Variants in CDH13 observed in about 807,000 individuals in gnomAD.
CDH13 encodes cadherin 13.
In CDH13, 24 loss-of-function variants were observed where a neutral mutation model predicts 63.8. That is an observed-to-expected ratio of 0.38 (90% confidence interval 0.27 to 0.53). The LOEUF is 0.53. Among genes scored for constraint, CDH13 ranks in the 20% least tolerant of loss-of-function variants. The pLI is 0.85. For missense variants in CDH13, 1,049 were observed against 903.1 expected, an observed-to-expected ratio of 1.16 and a Z score of -2.07; for synonymous variants, 503 against 355.3, an observed-to-expected ratio of 1.42 and a Z score of -4.67.
intron 5 of CDH13, among the ~76,000 whole-genome samples, chr16:83,330,827 T>G (rs1396394127): frequency 3.3e-5 from 5 of 152,204 alleles, no homozygotes; most frequent in Admixed American, 6.5e-5. Flanking sequence ...TAATTCTGAA[T>G]GAGTTTCAGA....
chr16:83,575,682 A>T (rs775381337), intron 7 of CDH13, among the ~76,000 whole-genome samples: 4 of 152,112 alleles, frequency 2.6e-5, no homozygotes, highest in African/African-American at 9.7e-5. Context: ...TAGCTCAACC[A>T]TCAGTCTCTT....
intron 6 of CDH13, among the ~76,000 whole-genome samples, chr16:83,369,195 T>G (rs554310582): frequency 1.3e-5 from 2 of 151,668 alleles, no homozygotes; most frequent in African/African-American, 4.8e-5. Context: ...ATGGTCATGA[T>G]CAAAAAATGA....
intron 2 of CDH13, among the ~76,000 whole-genome samples, chr16:82,964,944 T>A (rs1366550743): frequency 4.6e-5 from 7 of 152,208 alleles, no homozygotes; most frequent in Admixed American, 4.6e-4. Context: ...CCTTCTTGAT[T>A]ATCCTCCAAG....
chr16:83,007,824 CAA>C (rs563773010), intron 2 of CDH13, among the ~76,000 whole-genome samples: 23 of 124,996 alleles, frequency 1.8e-4, no homozygotes, highest in African/African-American at 2.6e-4. Context: ...ACGACTCTGT[CAA>C]AAAAAAAAAA....
chr16:83,124,455 A>T (rs1021807763), intron 3 of CDH13, among the ~76,000 whole-genome samples: 8 of 151,446 alleles, frequency 5.3e-5, no homozygotes, highest in Non-Finnish European at 7.4e-5. Context: ...TCTCTAGGTT[A>T]TCTGCTTAGT....
At chr16:83,794,484 C>T (rs1916475240) in intron 13 of CDH13, among the ~76,000 whole-genome samples, 1 of 152,192 alleles carries the variant, frequency 6.6e-6, no homozygotes, top group African/African-American at 2.4e-5. Context: ...GCCCAGGAGG[C>T]AGGGGTTGCA....
intron 7 of CDH13, among the ~76,000 whole-genome samples, chr16:83,570,449 T>G (rs1317116452): frequency 6.6e-6 from 1 of 152,098 alleles, no homozygotes; most frequent in Admixed American, 6.5e-5. Context: ...TGAGTTCTGA[T>G]CATGTTCCTG....
intron 8 of CDH13, among the ~76,000 whole-genome samples, chr16:83,605,307 A>G (rs1388230312): frequency 1.3e-5 from 2 of 152,190 alleles, no homozygotes; most frequent in Admixed American, 6.5e-5. Flanking sequence ...TCTTTGCCCA[A>G]TGTTTGATAA....
rs190692669 is a variant in CDH13, at chr16:83,179,576, C to T, written c.484-37769C>T. ...CTGAGGCAGGGGAATGGAGTGAACC[C>T]GGGAGGTGGAGCTTGCAGTGAGCCG... On this transcript the variant is annotated intron_variant, in intron 4 of 13. Coordinates refer to ENST00000567109, the MANE Select transcript of CDH13 (RefSeq NM_001257.5). 8.1e-3 allele frequency among the ~76,000 whole-genome samples: 1,222 copies of T among 151,260 alleles called. 6 individuals are homozygous for T. Among genetic ancestry groups the T allele is most frequent in the Non-Finnish European group, 0.012 (844 of 67,866 alleles).
intron 3 of CDH13, among the ~76,000 whole-genome samples, chr16:83,115,682 T>A (rs4073338): frequency 0.55 from 83,204 of 152,148 alleles, 23,314 homozygotes; most frequent in African/African-American, 0.6. Context: ...CCTGCCTGCC[T>A]GGAAGACGTA....
intron 6 of CDH13, among the ~76,000 whole-genome samples, chr16:83,470,132 T>C (rs2073417923): frequency 6.6e-6 from 1 of 152,208 alleles, no homozygotes; most frequent in South Asian, 2.1e-4. Flanking sequence ...CATACACCTG[T>C]GTGCACACTC....
chr16:83,536,741 G>C (rs1256143495), intron 7 of CDH13, among the ~76,000 whole-genome samples: 1 of 152,178 alleles, frequency 6.6e-6, no homozygotes, highest in African/African-American at 2.4e-5. Flanking sequence ...CTACCATATT[G>C]GTTCAAACAA....
chr16:83,294,969 G>T (rs1448072895), intron 5 of CDH13, among the ~76,000 whole-genome samples: 1 of 152,086 alleles, frequency 6.6e-6, no homozygotes, highest in African/African-American at 2.4e-5. Flanking sequence ...CACACTACCT[G>T]ACTTCAAAGT....
chr16:83,564,304 G>C (rs1279632820), intron 7 of CDH13, among the ~76,000 whole-genome samples: 1 of 151,762 alleles, frequency 6.6e-6, no homozygotes, highest in African/African-American at 2.4e-5. Flanking sequence ...AATTGGGTAA[G>C]TGAGGTGACA....
At chr16:83,271,196 A>G (rs1310231295) in intron 5 of CDH13, among the ~76,000 whole-genome samples, 2 of 151,944 alleles carry the variant, frequency 1.3e-5, no homozygotes, top group Non-Finnish European at 2.9e-5. Context: ...GAAGCTCCTC[A>G]AAGAAAACAG....
At chr16:83,482,512 C>T (rs988949737) in intron 6 of CDH13, among the ~76,000 whole-genome samples, 10 of 152,176 alleles carry the variant, frequency 6.6e-5, no homozygotes, top group African/African-American at 2.2e-4. Flanking sequence ...ATCTGTTTCT[C>T]GACTGAATCT....
intron 3 of CDH13, among the ~76,000 whole-genome samples, chr16:83,064,898 A>G (rs1418416733): frequency 6.6e-6 from 1 of 152,128 alleles, no homozygotes; most frequent in Non-Finnish European, 1.5e-5. Context: ...TTTGAAATAT[A>G]TAATACATTA....
chr16:82,778,371 T>A (rs2151109284), intron 1 of CDH13, among the ~76,000 whole-genome samples: 1 of 152,222 alleles, frequency 6.6e-6, no homozygotes, highest in South Asian at 2.1e-4. Flanking sequence ...TGACTCATGA[T>A]GTTGAATCTA....
At chr16:83,275,039 T>G (rs1364809601) in intron 5 of CDH13, among the ~76,000 whole-genome samples, 1 of 152,170 alleles carries the variant, frequency 6.6e-6, no homozygotes, top group African/African-American at 2.4e-5. Flanking sequence ...TCCAGAGAAC[T>G]TGTCTGTCAC....
Sources: gnomAD v4.1 joint callset for allele counts (sites outside exome capture counted in the v4.1 genomes callset) on GRCh38, gnomAD v4.1.1 for gene constraint, MANE v1.5 for transcripts, NCBI Gene and HGNC (gene_info 2026-07-23, HGNC 2026-07-21) for gene names.